The following DEPDC1B variants were observed in gnomAD, a reference collection of about 807,000 sequenced individuals.
DEPDC1B encodes DEP domain containing 1B.
Under a neutral mutation model 66.5 loss-of-function variants are expected in DEPDC1B, and 51 were observed. The observed-to-expected ratio is 0.77, with a 90% CI of 0.61 to 0.97. The LOEUF (loss-of-function observed/expected upper bound fraction) is 0.97, where lower values mean the gene tolerates loss of function less well. Ranked by LOEUF, DEPDC1B falls within the 50% of genes least tolerant of loss-of-function variation. The pLI, the probability that DEPDC1B is intolerant of heterozygous loss-of-function variation, is 0.00. For synonymous variants in DEPDC1B, 226 were observed against 223.6 expected (o/e 1.01, Z -0.10); for missense variants, 552 against 637.1 (o/e 0.87, Z 1.44).
chr5:60,624,594 T>C (rs1166632895), intron 7 of DEPDC1B, among the ~76,000 whole-genome samples: 1 of 152,188 alleles, frequency 6.6e-6, no homozygotes, highest in Non-Finnish European at 1.5e-5. Flanking sequence ...TTGGGTAAAA[T>C]TGATCAGTAA....
At chr5:60,692,967 T>C (rs1042722458) in intron 1 of DEPDC1B, among the ~76,000 whole-genome samples, 2 of 152,152 alleles carry the variant, frequency 1.3e-5, no homozygotes, top group African/African-American at 2.4e-5. Context: ...AAAATAATGA[T>C]AGCAGTTACC....
chr5:60,646,124 C>T (rs187974527), intron 3 of DEPDC1B, among the ~76,000 whole-genome samples: 4 of 152,274 alleles, frequency 2.6e-5, no homozygotes, highest in African/African-American at 2.4e-5. Flanking sequence ...AAAGGCTCCA[C>T]AAGGACAGCT....
At chr5:60,639,089 C>T (rs577690538) in intron 6 of DEPDC1B, among the ~76,000 whole-genome samples, 199 bp from the exon 7 acceptor site, 1 of 152,280 alleles carries the variant, frequency 6.6e-6, no homozygotes, top group African/African-American at 2.4e-5. Flanking sequence ...ATTTTGCCTA[C>T]ACAAATATGC....
intron 2 of DEPDC1B, 132 bp downstream of exon 2, chr5:60,686,830 A>G (rs909583664): frequency 1.7e-6 from 2 of 1,202,804 alleles, no homozygotes; most frequent in Non-Finnish European, 2.3e-6. Context: ...TTCTCCACTC[A>G]ACAAATCACA....
At chr5:60,605,133 G>A (rs1360952579) in intron 8 of DEPDC1B, among the ~76,000 whole-genome samples, 1 of 152,166 alleles carries the variant, frequency 6.6e-6, no homozygotes, top group East Asian at 1.9e-4. Flanking sequence ...GAGATTAGAT[G>A]GTAGGTACCA....
chr5:60,603,461 T>G lies in DEPDC1B; in HGVS notation c.1172A>C (p.Glu391Ala), dbSNP rs1174928981. The change falls in exon 9 of 11, where the codon GAA (glutamate) becomes GCA (alanine). Residue 391 changes from glutamate (E) to alanine (A), a missense_variant. Coordinates refer to ENST00000265036, the MANE Select transcript of DEPDC1B (RefSeq NM_018369.3). ...LVTFLMDNYQ[E>A]ILKVPLALQT... ...CAAGGCCAAAGGGACTTTCAGAATT[T>G]CCTGGTAATTGTCCATCAGAAACGT... is the stretch of plus-strand genomic sequence containing the variant. 1 of 1,613,026 alleles carries G rather than the reference T, an allele frequency of 6.2e-7. No homozygotes were observed. The highest frequency in any genetic ancestry group is 1.3e-5 in the African/African-American group (1 of 74,970).
intron 7 of DEPDC1B, among the ~76,000 whole-genome samples, chr5:60,612,404 C>T (rs113150318): frequency 0.013 from 1,866 of 144,120 alleles, 15 homozygotes; most frequent in Non-Finnish European, 0.021. Context: ...GCCTGGGCAA[C>T]AGCACAAGAC....
At chr5:60,643,346 C>T (rs1753234347) in intron 5 of DEPDC1B, among the ~76,000 whole-genome samples, 2 of 152,112 alleles carry the variant, frequency 1.3e-5, no homozygotes, top group South Asian at 4.1e-4. Context: ...AAGAAAGTTC[C>T]ACTGACATAT....
At chr5:60,607,443 T>C (rs953196434) in intron 7 of DEPDC1B, among the ~76,000 whole-genome samples, 2 of 152,216 alleles carry the variant, frequency 1.3e-5, no homozygotes, top group South Asian at 4.1e-4. Context: ...TTTATGATAA[T>C]ATTTTAATAT....
intron 2 of DEPDC1B, among the ~76,000 whole-genome samples, chr5:60,673,926 C>T (rs904527402): frequency 5.9e-5 from 9 of 152,122 alleles, no homozygotes; most frequent in Admixed American, 3.9e-4. Flanking sequence ...CCCATTTAAA[C>T]TCATTTATGC....
intron 2 of DEPDC1B, among the ~76,000 whole-genome samples, chr5:60,678,790 A>G (rs1561389753): frequency 6.6e-6 from 1 of 152,300 alleles, no homozygotes; most frequent in East Asian, 1.9e-4. Context: ...CATATTCTTG[A>G]TAGCACTCCA....
At chr5:60,685,112 G>A (rs543566428) in intron 2 of DEPDC1B, among the ~76,000 whole-genome samples, 19 of 152,160 alleles carry the variant, frequency 1.2e-4, no homozygotes, top group Non-Finnish European at 2.6e-4. Flanking sequence ...TAACTTGGCA[G>A]TAGTACTCTT....
chr5:60,674,862 C>T (rs1376867045), intron 2 of DEPDC1B, among the ~76,000 whole-genome samples: 2 of 152,030 alleles, frequency 1.3e-5, no homozygotes, highest in African/African-American at 4.8e-5. Context: ...ATGGGGGTGG[C>T]GGATAAGACA....
In DEPDC1B at chr5:60,597,549, A is replaced by G. The variant is rs1752120469; in HGVS notation, c.*204T>C. ...TATATTTGACTCATAAATTTTAACC[A>G]ATTTATACACTTTAAAACTAGCATT... is the stretch of plus-strand genomic sequence containing the variant. On this transcript the variant is annotated 3_prime_UTR_variant, in exon 11 of 11. Coordinates refer to ENST00000265036, the MANE Select transcript of DEPDC1B (RefSeq NM_018369.3). 3.9e-6 allele frequency: 2 copies of G among 510,350 alleles called. No individual in the cohort carries two copies. Among genetic ancestry groups the G allele is most frequent in the Admixed American group, 4.0e-5 (1 of 24,706 alleles). 31.6% of individuals were successfully genotyped at this position (510,350 alleles called of 1,614,324 possible).
At chr5:60,699,986 G>A in intron 1 of DEPDC1B, 60 bp downstream of exon 1, 1 of 1,537,018 alleles carries the variant, frequency 6.5e-7, no homozygotes. Context: ...CTCTGTCCGC[G>A]CGCTGAGTGG....
chr5:60,639,528 T>C (rs1440375003), intron 6 of DEPDC1B, among the ~76,000 whole-genome samples: 1 of 152,216 alleles, frequency 6.6e-6, no homozygotes, highest in Non-Finnish European at 1.5e-5. Context: ...AAAGACAGTT[T>C]ATCAAGCAAA....
intron 6 of DEPDC1B, among the ~76,000 whole-genome samples, chr5:60,641,224 C>T (rs1487504263): frequency 1.3e-5 from 2 of 152,040 alleles, no homozygotes; most frequent in East Asian, 3.9e-4. Context: ...AAATTATGTT[C>T]TTTACTACAT....
At chr5:60,688,448 A>G (rs1001126020) in intron 1 of DEPDC1B, among the ~76,000 whole-genome samples, 2 of 152,182 alleles carry the variant, frequency 1.3e-5, no homozygotes, top group African/African-American at 2.4e-5. Flanking sequence ...TCATTGCTAG[A>G]CAAGCCTCCA....
At chr5:60,653,562 C>G (rs1005390174) in intron 2 of DEPDC1B, among the ~76,000 whole-genome samples, 1 of 152,084 alleles carries the variant, frequency 6.6e-6, no homozygotes, top group Non-Finnish European at 1.5e-5. Flanking sequence ...TATTTGTTTA[C>G]TCTGCTGATT....
Sources: allele counts gnomAD v4.1 joint callset (sites outside exome capture counted in the v4.1 genomes callset), GRCh38; gene constraint gnomAD v4.1.1; transcripts MANE v1.5; gene names NCBI Gene and HGNC (gene_info 2026-07-23, HGNC 2026-07-21).